OCA2: variants seen among roughly 807,000 people sequenced by gnomAD.
OCA2 encodes the protein P protein.
A neutral mutation model predicts 100.2 loss-of-function variants in OCA2; 77 were observed. The ratio of observed to expected loss-of-function variants is 0.77; its 90% confidence interval spans 0.64 to 0.93. The LOEUF is 0.93. OCA2 is among the 40% of genes least tolerant of loss of function. The pLI is 0.00. For synonymous variants in OCA2, 432 were observed against 439.2 expected (o/e 0.98, Z 0.21); for missense variants, 1,062 against 1,089.1 (o/e 0.98, Z 0.35).
At chr15:28,036,987 C>T (rs1182834073) in intron 2 of OCA2, among the ~76,000 whole-genome samples, 1 of 152,120 alleles carries the variant, frequency 6.6e-6, no homozygotes, top group Non-Finnish European at 1.5e-5. Flanking sequence ...CTGCCTTAAC[C>T]TGTGCATGAC....
intron 23 of OCA2, among the ~76,000 whole-genome samples, chr15:27,828,469 AT>A (rs1468443886): frequency 6.6e-6 from 1 of 152,156 alleles, no homozygotes; most frequent in Non-Finnish European, 1.5e-5. Flanking sequence ...CCTCACTTTT[AT>A]GTTCAGAGTT....
At chr15:27,962,995 A>C (rs975153074) in intron 15 of OCA2, among the ~76,000 whole-genome samples, 1 of 152,220 alleles carries the variant, frequency 6.6e-6, no homozygotes, top group South Asian at 2.1e-4. Context: ...TGTTATATTA[A>C]CAACAAAGTA....
intron 9 of OCA2, among the ~76,000 whole-genome samples, chr15:28,003,813 T>A (rs1045351550): frequency 6.6e-6 from 1 of 152,156 alleles, no homozygotes; most frequent in African/African-American, 2.4e-5. Flanking sequence ...TCGATCTGGG[T>A]GCTCTGAAGG....
chr15:27,755,338 T>C lies in OCA2; in HGVS notation c.*50A>G, dbSNP rs7175266. The C allele has an allele frequency of 4.3e-3, 5,996 of 1,381,618 alleles. 212 individuals carry two copies. The African/African-American group carries it at 0.075, about 17-fold the overall frequency. The allele number at this position is 1,381,618 out of a possible 1,614,324, so 85.6% of individuals were successfully genotyped here. The stretch of plus-strand genomic sequence containing the variant: ...TCAGGGTAGTTTTATGACTAATGGG[T>C]TGTGATGGATGAAGTTTCCTTTAGT... On this transcript the variant is annotated 3_prime_UTR_variant, in exon 24 of 24. Transcript: ENST00000354638.
chr15:27,933,722 T>C (rs2703957), intron 18 of OCA2, among the ~76,000 whole-genome samples: 109,535 of 152,100 alleles, frequency 0.72, 41,371 homozygotes, highest in African/African-American at 0.9. Flanking sequence ...AAGAATGTCA[T>C]GAGGTCGATG....
At chr15:28,030,920 T>G (rs559474907) in intron 3 of OCA2, among the ~76,000 whole-genome samples, 1 of 152,332 alleles carries the variant, frequency 6.6e-6, no homozygotes, top group Admixed American at 6.5e-5. Flanking sequence ...CTTACCTACA[T>G]TGTTTTGTAA....
chr15:28,001,218 T>C (rs1566781458), intron 9 of OCA2, among the ~76,000 whole-genome samples: 1 of 151,796 alleles, frequency 6.6e-6, no homozygotes, highest in Non-Finnish European at 1.5e-5. Flanking sequence ...GTGTCCACAA[T>C]GGATGAATGA....
chr15:27,756,475 T>C (rs375172019), intron 23 of OCA2, among the ~76,000 whole-genome samples: 7 of 152,370 alleles, frequency 4.6e-5, no homozygotes, highest in African/African-American at 1.4e-4. Flanking sequence ...TGAACACATT[T>C]TATTTTACAA....
the OCA2 span, among the ~76,000 whole-genome samples, chr15:27,734,286 C>CA: frequency 0.14 from 10,932 of 76,166 alleles, 1,065 homozygotes; most frequent in Admixed American, 0.23. Flanking sequence ...TTTTCAAGAG[C>CA]AAAAAAAAAA....
At chr15:27,931,677 T>C (rs1194286095) in intron 18 of OCA2, among the ~76,000 whole-genome samples, 1 of 152,212 alleles carries the variant, frequency 6.6e-6, no homozygotes, top group Non-Finnish European at 1.5e-5. Context: ...TGATCTGTTC[T>C]TATTTTCTCA....
chr15:27,953,399 C>T (rs988323668), intron 17 of OCA2, among the ~76,000 whole-genome samples: 1 of 152,192 alleles, frequency 6.6e-6, no homozygotes, highest in African/African-American at 2.4e-5. Flanking sequence ...TGGGCCAGCC[C>T]CTTCTCATCT....
At chr15:27,984,750 G>A (rs2041289748) in intron 13 of OCA2, among the ~76,000 whole-genome samples, 1 of 152,068 alleles carries the variant, frequency 6.6e-6, no homozygotes, top group Non-Finnish European at 1.5e-5. Flanking sequence ...TAGTAGAGAC[G>A]GGGTTTCACC....
intron 19 of OCA2, among the ~76,000 whole-genome samples, chr15:27,919,577 A>G (rs1238978044): frequency 6.6e-6 from 1 of 152,208 alleles, no homozygotes; most frequent in African/African-American, 2.4e-5. Context: ...ATTCAAAACT[A>G]TGGAGACAGG....
intron 13 of OCA2, among the ~76,000 whole-genome samples, chr15:27,984,769 GC>G (rs1186637881): frequency 6.6e-6 from 1 of 152,142 alleles, no homozygotes; most frequent in African/African-American, 2.4e-5. Context: ...CCAGGGGTGA[GC>G]CATTCTTGTC....
chr15:27,934,183 G>T (rs2039366272), intron 18 of OCA2, among the ~76,000 whole-genome samples: 1 of 151,978 alleles, frequency 6.6e-6, no homozygotes, highest in African/African-American at 2.4e-5. Context: ...AGGAAGATGG[G>T]GTTGGGAAGG....
chr15:28,000,230 AT>A (rs1163568187), intron 9 of OCA2, among the ~76,000 whole-genome samples: 3 of 152,202 alleles, frequency 2.0e-5, no homozygotes, highest in African/African-American at 4.8e-5. Flanking sequence ...ATCTATAGCA[AT>A]CAAAACAGTA....
At chr15:27,752,022 G>C (rs138377043), downstream of OCA2, among the ~76,000 whole-genome samples, 1,348 of 152,332 alleles carry the variant, frequency 8.8e-3, 21 homozygotes, top group African/African-American at 0.03. Flanking sequence ...AGCAGATCTG[G>C]AAGGCGCACA....
At chr15:27,888,455 C>G (rs1052329720) in intron 19 of OCA2, among the ~76,000 whole-genome samples, 1 of 152,074 alleles carries the variant, frequency 6.6e-6, no homozygotes, top group African/African-American at 2.4e-5. Flanking sequence ...AGGACAAACA[C>G]CTGATGCCAA....
chr15:27,896,002 T>C, intron 19 of OCA2: 1 of 925,926 alleles, frequency 1.1e-6, no homozygotes, highest in Non-Finnish European at 1.7e-6. Flanking sequence ...CGGTGTATTG[T>C]ACTGGCCTGC....
Sources: allele counts gnomAD v4.1 joint callset (sites outside exome capture counted in the v4.1 genomes callset), GRCh38; gene constraint gnomAD v4.1.1; transcripts MANE v1.5; gene names NCBI Gene and HGNC (gene_info 2026-07-23, HGNC 2026-07-21).